Variants in TUBD1 observed in about 807,000 individuals in gnomAD.
TUBD1 encodes tubulin delta chain.
TUBD1 carries 38 observed loss-of-function variants against 51.2 expected under a neutral mutation model. The observed-to-expected ratio is 0.74, with a 90% CI of 0.57 to 0.97. The LOEUF (loss-of-function observed/expected upper bound fraction) is 0.97, where lower values mean the gene tolerates loss of function less well. Among genes scored for constraint, TUBD1 ranks in the 50% least tolerant of loss-of-function variants. The pLI, the probability that TUBD1 is intolerant of heterozygous loss-of-function variation, is 0.00. For synonymous variants in TUBD1, 169 were observed against 178.2 expected (o/e 0.95, Z 0.41); for missense variants, 489 against 538.4 (o/e 0.91, Z 0.91).
chr17:59,883,160 A>C (rs528692003), intron 3 of TUBD1, among the ~76,000 whole-genome samples: 66 of 151,646 alleles, frequency 4.4e-4, no homozygotes, highest in African/African-American at 1.5e-3. Flanking sequence ...CCGTGGCACA[A>C]TCTCGGCTCA....
chr17:59,869,619 TGGTATTAACAG>T (rs1286150079), intron 6 of TUBD1, among the ~76,000 whole-genome samples: 2 of 152,146 alleles, frequency 1.3e-5, no homozygotes, highest in Non-Finnish European at 2.9e-5. Context: ...GTGTTCCTTG[TGGTATTAACAG>T]GTATTGCTCG....
intron 6 of TUBD1, 80 bp downstream of exon 6, chr17:59,874,459 T>C: frequency 7.0e-7 from 1 of 1,428,892 alleles, no homozygotes; most frequent in Non-Finnish European, 9.5e-7. Context: ...TTTAAACTGG[T>C]CCAAGCCAGT....
chr17:59,863,834 A>T lies in TUBD1; in HGVS notation c.1089T>A (p.Asp363Glu), dbSNP rs746470872. ...TCAACCAGGAAGTATACAGAGCTGG[A>T]TCTTTAAATCCCTCTAGAGTAAAAA... ...VQSADVEGFK[D>E]PALYTSWLKP... The change falls in exon 8 of 9, where the codon GAT becomes GAA. Residue 363 changes from aspartate (D) to glutamate (E), a missense_variant. Transcript: ENST00000325752. 65 of 1,550,772 alleles carry T rather than the reference A, an allele frequency of 4.2e-5. No individual in the cohort carries two copies. The Middle Eastern group carries it at 5.1e-4, about 12-fold the overall frequency.
chr17:59,874,440 GGAC>G, intron 6 of TUBD1, 96 bp downstream of exon 6: 1 of 1,182,752 alleles, frequency 8.5e-7, no homozygotes, highest in Non-Finnish European at 1.2e-6. Flanking sequence ...CCAGAAAAAG[GGAC>G]CATTATTTAA....
chr17:59,878,374 A>T, intron 4 of TUBD1, 40 bp from the exon 5 acceptor site: 1 of 1,434,828 alleles, frequency 7.0e-7, no homozygotes, highest in South Asian at 1.2e-5. Context: ...GGTAGGAGAG[A>T]ATAATGGTTA....
intron 4 of TUBD1, among the ~76,000 whole-genome samples, chr17:59,880,545 T>C (rs1421926423): frequency 6.6e-6 from 1 of 152,056 alleles, no homozygotes; most frequent in Non-Finnish European, 1.5e-5. Context: ...GACGGAGTCT[T>C]GCTCTATTGC....
At chr17:59,877,888 A>T (rs2040298235) in intron 5 of TUBD1, among the ~76,000 whole-genome samples, 1 of 152,160 alleles carries the variant, frequency 6.6e-6, no homozygotes, top group Admixed American at 6.6e-5. Context: ...AAGAAGAGAA[A>T]GAATCCTGAA....
Position 59,878,277 on chromosome 17 carries a change from C to T in TUBD1, c.595G>A (p.Asp199Asn). ...TCATTCTCATGAAGAAGGAGGGCGT[C>T]TGAAGATCGGTACAAGTGAGAAAGT... ...LTLSHLYRSS[D>N]ALLLHENDAI... The change falls in exon 5 of 9, where the codon GAC becomes AAC. Residue 199 changes from aspartate to asparagine, a missense_variant. Transcript: ENST00000325752. 6.2e-7 allele frequency: 1 copy of T among 1,613,964 alleles called. No individual in the cohort carries two copies. The highest frequency in any genetic ancestry group is 8.5e-7 in the Non-Finnish European group (1 of 1,180,014).
chr17:59,892,378 T>C (rs919515580), intron 1 of TUBD1, among the ~76,000 whole-genome samples: 2 of 152,154 alleles, frequency 1.3e-5, no homozygotes, highest in Non-Finnish European at 2.9e-5. Context: ...CCTGTCTCCA[T>C]TTGAAAAAGA....
At chr17:59,878,885 T>G (rs574210627) in intron 4 of TUBD1, 7 of 153,010 alleles carry the variant, frequency 4.6e-5, no homozygotes, top group African/African-American at 1.7e-4. Flanking sequence ...AATTGGCCAT[T>G]ATTATCATAC....
chr17:59,867,391 A>C (rs1002519464), intron 6 of TUBD1, among the ~76,000 whole-genome samples: 1 of 152,058 alleles, frequency 6.6e-6, no homozygotes, highest in Non-Finnish European at 1.5e-5. Flanking sequence ...TGGGGCAAAA[A>C]ATTGTACTCA....
chr17:59,868,320 C>T (rs1265063213), intron 6 of TUBD1, among the ~76,000 whole-genome samples: 1 of 150,324 alleles, frequency 6.7e-6, no homozygotes, highest in Non-Finnish European at 1.5e-5. Flanking sequence ...TAACTTCTGC[C>T]TTGCTCCCTC....
intron 7 of TUBD1, among the ~76,000 whole-genome samples, chr17:59,864,288 G>C (rs1322729526): frequency 6.6e-6 from 1 of 151,378 alleles, no homozygotes; most frequent in Admixed American, 6.6e-5. Context: ...TGGGATTACA[G>C]ATGCCCGCCA....
At chr17:59,886,734 A>C (rs576346362) in intron 2 of TUBD1, 1 of 152,352 alleles carries the variant, frequency 6.6e-6, no homozygotes, top group East Asian at 1.9e-4. Context: ...TTGGAGATGA[A>C]GACATCAAAC....
chr17:59,880,199 C>T (rs1296784121), intron 4 of TUBD1, among the ~76,000 whole-genome samples: 2 of 152,054 alleles, frequency 1.3e-5, no homozygotes, highest in African/African-American at 4.8e-5. Flanking sequence ...GCTGAGACTA[C>T]AGGCCAGCGC....
intron 6 of TUBD1, among the ~76,000 whole-genome samples, chr17:59,870,201 A>C (rs149105944): frequency 0.03 from 4,500 of 151,798 alleles, 103 homozygotes; most frequent in Middle Eastern, 0.048. Context: ...TCTCTACTAA[A>C]AATACAAAAA....
Position 59,891,042 on chromosome 17 carries a change from CTGT to C in TUBD1, c.-39-4_-39-2del. The C allele has an allele frequency of 6.5e-7, 1 of 1,532,776 alleles. No homozygotes were observed. The highest frequency in any genetic ancestry group is 2.0e-5 in the Admixed American group (1 of 49,526). The allele number at this position is 1,532,776 out of a possible 1,614,324, so 94.9% of individuals were successfully genotyped here. On this transcript the variant is annotated splice_acceptor_variant and splice_polypyrimidine_tract_variant and intron_variant, in intron 1 of 8. Coordinates refer to ENST00000325752, the MANE Select transcript of TUBD1 (RefSeq NM_016261.4). LOFTEE classifies it low-confidence loss of function (5UTR_SPLICE). ...TAGGTGTATTACCTCTAAAAACAAC[CTGT>C]AATCGAAAAAAATACGCTTTGAGAA...
chr17:59,887,538 G>C (rs947978919), intron 2 of TUBD1, among the ~76,000 whole-genome samples: 7 of 152,188 alleles, frequency 4.6e-5, no homozygotes, highest in African/African-American at 1.7e-4. Flanking sequence ...TGGAGAAGGA[G>C]AGGGTAGAAG....
chr17:59,891,122 A>T (rs569138398), intron 1 of TUBD1, 81 bp from the exon 2 acceptor site: 2 of 762,718 alleles, frequency 2.6e-6, no homozygotes, highest in South Asian at 1.9e-5. Flanking sequence ...TTAATTATAC[A>T]TCAATAAAAA....
Sources: allele counts gnomAD v4.1 joint callset (sites outside exome capture counted in the v4.1 genomes callset), GRCh38; gene constraint gnomAD v4.1.1; transcripts MANE v1.5; gene names NCBI Gene and HGNC (gene_info 2026-07-23, HGNC 2026-07-21).